Variants in XKR9 observed in about 807,000 individuals in gnomAD.
XKR9 encodes the protein XK-related protein 9.
In XKR9, 32 loss-of-function variants were observed where a neutral mutation model predicts 32.0. The observed-to-expected ratio is 1.00, with a 90% CI of 0.76 to 1.34. XKR9 has a LOEUF of 1.34. Ranked by LOEUF, XKR9 falls within the 40% of genes most tolerant of loss-of-function variation. XKR9 has a pLI of 0.00. For synonymous variants in XKR9, 168 were observed against 143.4 expected, an observed-to-expected ratio of 1.17 and a Z score of -1.22; for missense variants, 546 against 429.7, an observed-to-expected ratio of 1.27 and a Z score of -2.39.
chr8:70,715,485 A>G (rs1463692621), intron 4 of XKR9, among the ~76,000 whole-genome samples: 3 of 152,166 alleles, frequency 2.0e-5, no homozygotes, highest in African/African-American at 4.8e-5. Flanking sequence ...AAGCTTCACT[A>G]TCGTATTGAT....
chr8:70,822,252 G>A, the XKR9 span, among the ~76,000 whole-genome samples: 1 of 151,844 alleles, frequency 6.6e-6, no homozygotes, highest in Non-Finnish European at 1.5e-5. Context: ...TTTTATCCGG[G>A]CAATAATTTG....
chr8:70,689,430 T>C (rs541242441), intron 3 of XKR9, among the ~76,000 whole-genome samples: 4 of 147,652 alleles, frequency 2.7e-5, no homozygotes, highest in Admixed American at 2.1e-4. Context: ...GAAAGTAGCT[T>C]GACCATATTG....
At chr8:70,877,203 A>G in the XKR9 span, among the ~76,000 whole-genome samples, 3 of 152,152 alleles carry the variant, frequency 2.0e-5, no homozygotes, top group Admixed American at 6.6e-5. Context: ...TCACTATCAC[A>G]AGAACAGTCT....
the XKR9 span, among the ~76,000 whole-genome samples, chr8:70,833,401 G>C: frequency 6.6e-6 from 1 of 151,996 alleles, no homozygotes; most frequent in Non-Finnish European, 1.5e-5. Context: ...TCATTAAATT[G>C]TGAATATAAC....
the XKR9 span, among the ~76,000 whole-genome samples, chr8:70,818,139 C>G: frequency 6.6e-6 from 1 of 151,946 alleles, no homozygotes; most frequent in Admixed American, 6.6e-5. Flanking sequence ...GGCTTCTGCA[C>G]AGCAAAGGAA....
At chr8:70,987,217 A>G in the XKR9 span, among the ~76,000 whole-genome samples, 5 of 152,054 alleles carry the variant, frequency 3.3e-5, no homozygotes, top group Admixed American at 6.6e-5. Flanking sequence ...TTCAAAACCA[A>G]TCATGCCTTC....
At chr8:70,948,575 C>T in the XKR9 span, among the ~76,000 whole-genome samples, 11 of 152,092 alleles carry the variant, frequency 7.2e-5, no homozygotes, top group Admixed American at 3.9e-4. Flanking sequence ...TATGGCATGT[C>T]ATTCTCTCTG....
At chr8:70,699,971 G>A (rs1055056510) in intron 3 of XKR9, among the ~76,000 whole-genome samples, 11 of 152,018 alleles carry the variant, frequency 7.2e-5, no homozygotes, top group Admixed American at 2.0e-4. Flanking sequence ...CCAGTTGATC[G>A]CATCAGCTCC....
At chr8:71,064,017 T>C in the XKR9 span, among the ~76,000 whole-genome samples, 1 of 152,230 alleles carries the variant, frequency 6.6e-6, no homozygotes, top group Non-Finnish European at 1.5e-5. Context: ...TTACACTCTA[T>C]TAACTAAAAC....
At chr8:70,709,790 G>T (rs1351159701) in intron 4 of XKR9, among the ~76,000 whole-genome samples, 1 of 152,160 alleles carries the variant, frequency 6.6e-6, no homozygotes, top group Admixed American at 6.5e-5. Context: ...ACTGTTAAAA[G>T]AAATCGGTGG....
chr8:70,949,259 T>C, the XKR9 span, among the ~76,000 whole-genome samples: 7 of 152,176 alleles, frequency 4.6e-5, no homozygotes, highest in African/African-American at 1.7e-4. Flanking sequence ...GCACCGTTGC[T>C]AAATAAGCTC....
the XKR9 span, among the ~76,000 whole-genome samples, chr8:70,911,182 T>A: frequency 2.6e-5 from 4 of 152,194 alleles, no homozygotes; most frequent in East Asian, 7.7e-4. Context: ...GGGATGGGAA[T>A]CTTGGGTGAC....
At chr8:70,954,580 C>A in the XKR9 span, among the ~76,000 whole-genome samples, 1 of 152,208 alleles carries the variant, frequency 6.6e-6, no homozygotes, top group Non-Finnish European at 1.5e-5. Context: ...AAAGTGGTCT[C>A]ATTATCCAAG....
chr8:71,034,070 G>C, the XKR9 span, among the ~76,000 whole-genome samples: 1 of 152,150 alleles, frequency 6.6e-6, no homozygotes, highest in Non-Finnish European at 1.5e-5. Context: ...TTGACCCATA[G>C]AGTATGGTGA....
At chr8:71,063,469 G>C in the XKR9 span, among the ~76,000 whole-genome samples, 18 of 152,050 alleles carry the variant, frequency 1.2e-4, no homozygotes, top group South Asian at 3.5e-3. Context: ...GAGAAGTGTG[G>C]GGCCCTTAAA....
the XKR9 span, among the ~76,000 whole-genome samples, chr8:70,831,325 G>C: frequency 1.3e-5 from 2 of 148,972 alleles, no homozygotes; most frequent in Non-Finnish European, 3.0e-5. Flanking sequence ...TAACTTCTTT[G>C]AGTTTTAAAA....
At chr8:70,873,948 A>T in the XKR9 span, among the ~76,000 whole-genome samples, 1 of 152,204 alleles carries the variant, frequency 6.6e-6, no homozygotes, top group African/African-American at 2.4e-5. Context: ...CCCAATCTCC[A>T]GCAACCCCCC....
At chr8:70,935,868 C>T in the XKR9 span, among the ~76,000 whole-genome samples, 40 of 152,036 alleles carry the variant, frequency 2.6e-4, no homozygotes, top group Non-Finnish European at 4.7e-4. Flanking sequence ...CAATTTTCAT[C>T]TTTATTGCCC....
chr8:70,940,634 CA>C, the XKR9 span, among the ~76,000 whole-genome samples: 15 of 152,218 alleles, frequency 9.9e-5, no homozygotes, highest in African/African-American at 3.6e-4. Context: ...CTGTTTCTCT[CA>C]GCATCTATTA....
Sources: gnomAD v4.1 joint callset for allele counts (sites outside exome capture counted in the v4.1 genomes callset) on GRCh38, gnomAD v4.1.1 for gene constraint, MANE v1.5 for transcripts, NCBI Gene and HGNC (gene_info 2026-07-23, HGNC 2026-07-21) for gene names.